Variants in ZNF330 observed in about 807,000 individuals in gnomAD.
ZNF330 encodes zinc finger protein 330.
A neutral mutation model predicts 45.5 loss-of-function variants in ZNF330; 31 were observed. That is an observed-to-expected ratio of 0.68 (90% CI 0.51 to 0.92). The LOEUF (loss-of-function observed/expected upper bound fraction) is 0.92. Ranked by LOEUF, ZNF330 falls within the 40% of genes least tolerant of loss-of-function variation. ZNF330 has a pLI of 0.00. For synonymous variants in ZNF330, 138 were observed against 123.2 expected (o/e 1.12, Z -0.79); for missense variants, 356 against 387.4 (o/e 0.92, Z 0.68).
intron 1 of ZNF330, among the ~76,000 whole-genome samples, chr4:141,221,941 G>C (rs1728689808): frequency 6.6e-6 from 1 of 152,092 alleles, no homozygotes; most frequent in South Asian, 2.1e-4. Context: ...GCAGCGTCAG[G>C]TCATCTGAAT....
At chr4:141,223,381 A>G (rs1182648454) in intron 2 of ZNF330, among the ~76,000 whole-genome samples, 1 of 152,200 alleles carries the variant, frequency 6.6e-6, no homozygotes, top group Non-Finnish European at 1.5e-5. Context: ...GGACTCGGGG[A>G]CAATTGGAAC....
At position 141,233,974 on chromosome 4, in the gene ZNF330, G is replaced by C. The variant is rs1206894528; in HGVS notation, c.948G>C (p.Glu316Asp). ...ATGCTAGTGGCTATGCTCACTATGA[G>C]GAACAAGAGAACTAGGGGAGCTGCT... ...RTYASGYAHY[E>D]EQEN Residue 316 changes from glutamate (E) to aspartate (D), a missense_variant, in exon 10 of 10, where the codon GAG (glutamate) becomes GAC (aspartate). Transcript: ENST00000262990. 9 of 1,612,328 alleles carry C rather than the reference G, an allele frequency of 5.6e-6. No homozygotes were observed. Among genetic ancestry groups the C allele is most frequent in the Non-Finnish European group, 7.6e-6 (9 of 1,179,070 alleles).
chr4:141,222,600 T>C, intron 2 of ZNF330, 109 bp downstream of exon 2: 1 of 1,234,606 alleles, frequency 8.1e-7, no homozygotes, highest in Non-Finnish European at 1.1e-6. Flanking sequence ...GCATATAGTT[T>C]GTTGCTGAAT....
At position 141,234,364 on chromosome 4, in the gene ZNF330, G is replaced by T. The variant is rs3733484; in HGVS notation, c.*375G>T. 51,182 of 158,570 alleles carry T rather than the reference G, an allele frequency of 0.32. 9,413 individuals are homozygous for T. Among genetic ancestry groups the T allele is most frequent in the East Asian group, 0.61 (3,332 of 5,422 alleles). 9.8% of individuals were successfully genotyped at this position (158,570 alleles called of 1,614,324 possible). A position where few individuals can be genotyped will look rare whatever the true frequency, so the allele number is the denominator to read the frequency against. ...TTATTAAAAAATACTGCTTCATTGG[G>T]CTGATTTTGTAAAATGTAATGAGTA... On this transcript the variant is annotated 3_prime_UTR_variant, in exon 10 of 10. Coordinates refer to ENST00000262990, the MANE Select transcript of ZNF330 (RefSeq NM_014487.6).
intron 7 of ZNF330, 152 bp from the exon 8 acceptor site, chr4:141,231,287 A>G: frequency 2.0e-6 from 1 of 491,640 alleles, no homozygotes; most frequent in Non-Finnish European, 3.6e-6. Context: ...GCAGCATGGG[A>G]GCTTTGTGTG....
chr4:141,224,845 A>G (rs1392114936), intron 4 of ZNF330, among the ~76,000 whole-genome samples, 168 bp downstream of exon 4: 2 of 152,130 alleles, frequency 1.3e-5, no homozygotes, highest in Admixed American at 1.3e-4. Flanking sequence ...CCAAAAAACT[A>G]TCAAGCCTTG....
intron 5 of ZNF330, among the ~76,000 whole-genome samples, chr4:141,228,118 A>G (rs184964270): frequency 4.5e-4 from 69 of 152,262 alleles, no homozygotes; most frequent in African/African-American, 1.6e-3. Context: ...GACCTATGAT[A>G]TATTTCATAT....
rs147133075 is a variant in ZNF330, at chr4:141,232,636, A to C, written c.682A>C (p.Met228Leu). Residue 228 changes from methionine to leucine, a missense_variant, in exon 9 of 10, where the codon ATG (methionine) becomes CTG (leucine). Transcript: ENST00000262990. The part of the protein sequence containing the change: ...HETQETKDLS[M>L]STRSLKFGRQ... The stretch of plus-strand genomic sequence containing the variant: ...AACTCAGGAGACTAAGGACCTTAGC[A>C]TGTCAAGTAAGGCCCTTAAGATACT... 1 of 1,549,860 alleles carries C rather than the reference A, an allele frequency of 6.5e-7. No individual in the cohort carries two copies. Among genetic ancestry groups the C allele is most frequent in the South Asian group, 1.3e-5 (1 of 79,138 alleles).
rs1356658231 is a variant in ZNF330, at chr4:141,234,309, A to C, written c.*320A>C. On this transcript the variant is annotated 3_prime_UTR_variant, in exon 10 of 10. Transcript: ENST00000262990. ...TACAAGATAAAGGAATAGGATGGTA[A>C]TATATTTGTTTGAAATTAAATTACT... 1 of 198,612 alleles carries C rather than the reference A, an allele frequency of 5.0e-6. No homozygotes were observed. The highest frequency in any genetic ancestry group is 1.2e-4 in the East Asian group (1 of 8,446). 12.3% of individuals were successfully genotyped at this position (198,612 alleles called of 1,614,324 possible).
chr4:141,221,531 A>G (rs1480881419), intron 1 of ZNF330, among the ~76,000 whole-genome samples: 1 of 152,292 alleles, frequency 6.6e-6, no homozygotes, highest in Non-Finnish European at 1.5e-5. Context: ...GTCATTTTAC[A>G]TATTGGAATG....
At position 141,234,551 on chromosome 4, in the gene ZNF330, T is replaced by A. The variant is rs1729040965; in HGVS notation, c.*562T>A. The A allele has an allele frequency of 2.0e-5, 3 of 152,364 alleles. No individual in the cohort carries two copies. Among genetic ancestry groups the A allele is most frequent in the Admixed American group, 2.0e-4 (3 of 15,288 alleles). 9.4% of individuals were successfully genotyped at this position (152,364 alleles called of 1,614,324 possible). A position where few individuals can be genotyped will look rare whatever the true frequency, so the allele number is the denominator to read the frequency against. ...CTTTCTTCACAATGTATGTCCTCAGTGGTACCTATTATTGATGCCTTAAAT... is the reference window on the plus strand; with the variant it reads ...CTTTCTTCACAATGTATGTCCTCAGAGGTACCTATTATTGATGCCTTAAAT... On this transcript the variant is annotated 3_prime_UTR_variant, in exon 10 of 10. Coordinates refer to ENST00000262990, the MANE Select transcript of ZNF330 (RefSeq NM_014487.6).
At chr4:141,233,130 T>C (rs1728998884) in intron 9 of ZNF330, among the ~76,000 whole-genome samples, 1 of 152,130 alleles carries the variant, frequency 6.6e-6, no homozygotes, top group African/African-American at 2.4e-5. Context: ...GGAATAAGCA[T>C]GCTTATAGTA....
In ZNF330 at chr4:141,233,800, A is replaced by G; in HGVS notation, c.774A>G (p.Ser258=). Residue 258 remains serine (S), a synonymous_variant, in exon 10 of 10, where the codon TCA becomes TCG. Transcript: ENST00000262990. ...SGYDAYWKNL[S]SDKYGDTSYH... ...ATGATGCTTATTGGAAGAACCTTTCATCTGATAAGTATGGTGATACCAGCT... is the reference window on the plus strand; with the variant it reads ...ATGATGCTTATTGGAAGAACCTTTCGTCTGATAAGTATGGTGATACCAGCT... 1 of 1,613,746 alleles carries G rather than the reference A, an allele frequency of 6.2e-7. No individual in the cohort carries two copies. Among genetic ancestry groups the G allele is most frequent in the Non-Finnish European group, 8.5e-7 (1 of 1,179,764 alleles).
At position 141,234,658 on chromosome 4, in the gene ZNF330, A is replaced by G. The variant is rs1328493869; in HGVS notation, c.*669A>G. 6.6e-6 allele frequency: 1 copy of G among 152,172 alleles called. No homozygotes were observed. Among genetic ancestry groups the G allele is most frequent in the East Asian group, 1.9e-4 (1 of 5,196 alleles). 9.4% of individuals were successfully genotyped at this position (152,172 alleles called of 1,614,324 possible). ...TTATTACAGAAGCTTTACCCAGGACATTTTATTTCTCTTTGAATAAATCTA... is the reference window on the plus strand; with the variant it reads ...TTATTACAGAAGCTTTACCCAGGACGTTTTATTTCTCTTTGAATAAATCTA... On this transcript the variant is annotated 3_prime_UTR_variant, in exon 10 of 10. Coordinates refer to ENST00000262990, the MANE Select transcript of ZNF330 (RefSeq NM_014487.6).
chr4:141,226,305 CATT>C (rs1178297097), intron 4 of ZNF330, among the ~76,000 whole-genome samples: 1 of 152,064 alleles, frequency 6.6e-6, no homozygotes, highest in Non-Finnish European at 1.5e-5. Context: ...GTTACATAAT[CATT>C]ATTTGGTTTG....
intron 1 of ZNF330, among the ~76,000 whole-genome samples, 182 bp downstream of exon 1, chr4:141,221,290 G>A (rs1331450016): frequency 6.6e-6 from 1 of 152,208 alleles, no homozygotes; most frequent in South Asian, 2.1e-4. Flanking sequence ...CACACGCAGT[G>A]CATGCAAGAA....
chr4:141,233,904 C>G lies in ZNF330; in HGVS notation c.878C>G (p.Thr293Ser), dbSNP rs1729019357. The G allele has an allele frequency of 1.2e-6, 2 of 1,613,604 alleles. No individual in the cohort carries two copies. Among genetic ancestry groups the G allele is most frequent in the African/African-American group, 2.7e-5 (2 of 74,878 alleles). Residue 293 changes from threonine (T) to serine (S), a missense_variant, in exon 10 of 10, where the codon ACT becomes AGT. By Grantham distance (58) the Thr-to-Ser change is moderately conservative (BLOSUM62 1). Transcript: ENST00000262990. ...GATGAAGGCAGAAAGGATTCAGATA[C>G]TGAGTCATCAGATTTGTTTACTAAT... is the stretch of plus-strand genomic sequence containing the variant. ...EEDEGRKDSD[T>S]ESSDLFTNLN...
chr4:141,227,340 C>T (rs995998930), intron 5 of ZNF330, among the ~76,000 whole-genome samples: 1 of 151,930 alleles, frequency 6.6e-6, no homozygotes, highest in African/African-American at 2.4e-5. Flanking sequence ...TTCCTGTGTC[C>T]ATGTGTTCTC....
chr4:141,224,822 G>C (rs1728764172), intron 4 of ZNF330, 145 bp downstream of exon 4: 2 of 669,322 alleles, frequency 3.0e-6, no homozygotes, highest in South Asian at 4.6e-5. Context: ...AACAAAACAT[G>C]TTATTTTGCC....
Sources: gnomAD v4.1 joint callset for allele counts (sites outside exome capture counted in the v4.1 genomes callset) on GRCh38, gnomAD v4.1.1 for gene constraint, MANE v1.5 for transcripts, NCBI Gene and HGNC (gene_info 2026-07-23, HGNC 2026-07-21) for gene names.